ZNF276: variants seen among roughly 807,000 people sequenced by gnomAD.
ZNF276 encodes zinc finger protein 276, also known as centromere protein Z.
Under a neutral mutation model 63.9 loss-of-function variants are expected in ZNF276, and 59 were observed. The observed-to-expected ratio is 0.92, with a 90% CI of 0.75 to 1.15. The LOEUF is 1.15. Ranked by LOEUF, ZNF276 falls within the 50% of genes most tolerant of loss-of-function variation. The probability of loss-of-function intolerance (pLI) is 0.00; values close to 1 mark genes in which losing one functional copy is unlikely to be tolerated. For missense variants in ZNF276, 1,084 were observed against 843.8 expected (o/e 1.28, Z -3.53); for synonymous variants, 496 against 348.4 (o/e 1.42, Z -4.72).
rs1031181721 is a variant in ZNF276 at position 89,739,734 on chromosome 16, G to A, written c.*1488G>A. 3 of 1,495,854 alleles carry A rather than the reference G, an allele frequency of 2.0e-6. No individual in the cohort carries two copies. The highest frequency in any genetic ancestry group is 1.4e-5 in the African/African-American group (1 of 72,350). The allele number at this position is 1,495,854 out of a possible 1,614,324, so 92.7% of individuals were successfully genotyped here. A position where few individuals can be genotyped will look rare whatever the true frequency, so the allele number is the denominator to read the frequency against. On this transcript the variant is annotated 3_prime_UTR_variant, in exon 11 of 11. Coordinates refer to ENST00000443381, the MANE Select transcript of ZNF276 (RefSeq NM_001113525.2). ...TCAGCAGCTGGGAGAGGATGGGGGG[G>A]TCGACCTCTTGCAGGAGGGTGGGTG... is the stretch of plus-strand genomic sequence containing the variant.
chr16:89,732,049 G>A (rs987018827), intron 6 of ZNF276: 5 of 152,280 alleles, frequency 3.3e-5, no homozygotes, highest in African/African-American at 1.2e-4. Context: ...TGAGCGTGGT[G>A]TCTGCTGTGG....
In ZNF276 at chr16:89,738,755, C is replaced by CA. The variant is rs1427774240; in HGVS notation, c.*510dup. On this transcript the variant is annotated 3_prime_UTR_variant, in exon 11 of 11. Transcript: ENST00000443381. The stretch of plus-strand genomic sequence containing the variant: ...TCAGCCCATGCCGCCCACTAGGCCT[C>CA]AGACCACAGGGGAGGGGCTCTGGCA... 10 of 1,612,630 alleles carry CA rather than the reference C, an allele frequency of 6.2e-6. No individual in the cohort carries two copies. Among genetic ancestry groups the CA allele is most frequent in the Non-Finnish European group, 8.5e-6 (10 of 1,179,422 alleles).
upstream of ZNF276, chr16:89,721,474 C>A: frequency 3.3e-6 from 2 of 600,502 alleles, no homozygotes; most frequent in Non-Finnish European, 5.1e-6. Flanking sequence ...CCGGCGGGGT[C>A]CCGCCCCTGG....
At position 89,722,542 on chromosome 16, in the gene ZNF276, G is replaced by T; in HGVS notation, c.217G>T (p.Ala73Ser). 1 of 1,611,442 alleles carries T rather than the reference G, an allele frequency of 6.2e-7. No homozygotes were observed. Among genetic ancestry groups the T allele is most frequent in the Non-Finnish European group, 8.5e-7 (1 of 1,179,370 alleles). Residue 73 changes from alanine (A) to serine (S), a missense_variant, in exon 2 of 11, where the codon GCT (alanine) becomes TCT (serine). Ala to Ser is a moderately conservative substitution (Grantham distance 99). Coordinates refer to ENST00000443381, the MANE Select transcript of ZNF276 (RefSeq NM_001113525.2). ...DGADEAGAGRALAMGHCRLCH... is the reference protein window; with the variant it reads ...DGADEAGAGRSLAMGHCRLCH... ...GCCGCTCTGTGCAGGAGCAGGCCGG[G>T]CTCTCGCCATGGGTCACTGTCGCCT...
Position 89,723,446 on chromosome 16 carries a change from G to A in ZNF276, c.743G>A (p.Cys248Tyr), listed in dbSNP as rs1260304059. ...TACACCATGGATACCAGCTCCAGCT[G>A]CAAGGCCTTCTTGCTGGACAGTGCG... is the stretch of plus-strand genomic sequence containing the variant. Reference protein sequence around the residue: ...HDYTMDTSSSCKAFLLDSALA... With the variant: ...HDYTMDTSSSYKAFLLDSALA... Residue 248 changes from cysteine (C) to tyrosine (Y), a missense_variant, in exon 4 of 11, where the codon TGC (cysteine) becomes TAC (tyrosine). By Grantham distance (194) the Cys-to-Tyr change is radical. Transcript: ENST00000443381. 1.2e-6 allele frequency: 2 copies of A among 1,612,944 alleles called. No homozygotes were observed. Among genetic ancestry groups the A allele is most frequent in the Admixed American group, 3.3e-5 (2 of 60,010 alleles).
rs2062036333 is a variant in ZNF276 at position 89,738,797 on chromosome 16, A to C, written c.*551A>C. ...GCTCTGGCAGAAATAGTCGAGTTGT[A>C]TTGCCAGCCAGGCAGGCACATGGCC... On this transcript the variant is annotated 3_prime_UTR_variant, in exon 11 of 11. Coordinates refer to ENST00000443381, the MANE Select transcript of ZNF276 (RefSeq NM_001113525.2). 6.2e-7 allele frequency: 1 copy of C among 1,613,378 alleles called. No homozygotes were observed. Among genetic ancestry groups the C allele is most frequent in the Non-Finnish European group, 8.5e-7 (1 of 1,179,772 alleles).
In ZNF276 at chr16:89,737,758, G is replaced by A. The variant is rs201316239; in HGVS notation, c.1475-48G>A. 6.7e-4 allele frequency: 1,072 copies of A among 1,610,858 alleles called. 2 individuals carry two copies. Among genetic ancestry groups the A allele is most frequent in the Middle Eastern group, 2.1e-3 (13 of 6,052 alleles). On this transcript the variant is annotated intron_variant, in intron 9 of 10. Transcript: ENST00000443381. ...CACATTGTCATCGTCGTCCCCCCGG[G>A]AGGTTGGAGCATCAGGGGCCTGGAC... is the stretch of plus-strand genomic sequence containing the variant.
rs769672682 is a variant in ZNF276, at chr16:89,739,275, AAGT to A, written c.*1032_*1034del. 6.2e-7 allele frequency: 1 copy of A among 1,614,128 alleles called. No homozygotes were observed. On this transcript the variant is annotated 3_prime_UTR_variant, in exon 11 of 11. Transcript: ENST00000443381. ...TTCCCTGATGGCCGCGTCTTCATGGAAGTAGGAGAGAAGACTAGAGGTAAAGAC... is the reference window on the plus strand; with the variant it reads ...TTCCCTGATGGCCGCGTCTTCATGGAAGGAGAGAAGACTAGAGGTAAAGAC...
chr16:89,729,437 G>C (rs537081606), intron 6 of ZNF276, 119 bp downstream of exon 6: 9 of 909,372 alleles, frequency 9.9e-6, no homozygotes, highest in Non-Finnish European at 1.5e-5. Flanking sequence ...CGGATCTCCC[G>C]AGCCCAGTGA....
Position 89,728,774 on chromosome 16 carries a change from C to G in ZNF276, c.1086-461C>G, listed in dbSNP as rs551638457. On this transcript the variant is annotated intron_variant, in intron 5 of 10. Coordinates refer to ENST00000443381, the MANE Select transcript of ZNF276 (RefSeq NM_001113525.2). ...CTGGTCTTGAACTCCTGACCTCATGCGATCCACCTACGTCACCCTCCCAAA... is the reference window on the plus strand; with the variant it reads ...CTGGTCTTGAACTCCTGACCTCATGGGATCCACCTACGTCACCCTCCCAAA... 2.6e-5 allele frequency among the ~76,000 whole-genome samples: 4 copies of G among 151,978 alleles called. No homozygotes were observed. In the East Asian group the frequency reaches 7.7e-4, roughly 29 times the overall value.
At position 89,733,482 on chromosome 16, in the gene ZNF276, G is replaced by T. The variant is rs963543628; in HGVS notation, c.1281G>T (p.Arg427Ser). ...GCTCCATGCATGCTCTTCATTGCAG[G>T]GAGGAGCTTCCCACCATCTACAAGT... Reference protein sequence around the residue: ...PGWKKKLRCEREELPTIYKCP... With the variant: ...PGWKKKLRCESEELPTIYKCP... The change falls in exon 8 of 11, where the codon AGG becomes AGT. Residue 427 changes from arginine to serine, a missense_variant and splice_region_variant. Coordinates refer to ENST00000443381, the MANE Select transcript of ZNF276 (RefSeq NM_001113525.2). The T allele has an allele frequency of 3.7e-6, 6 of 1,614,088 alleles. No individual in the cohort carries two copies. The highest frequency in any genetic ancestry group is 4.2e-6 in the Non-Finnish European group (5 of 1,180,050).
At position 89,738,547 on chromosome 16, in the gene ZNF276, C is replaced by T. The variant is rs544435184; in HGVS notation, c.*301C>T. ...AGTGCAACAAGAGCTCCATGTTATG[C>T]TTGTAATAAATTATTTACACGGGAG... On this transcript the variant is annotated 3_prime_UTR_variant, in exon 11 of 11. Coordinates refer to ENST00000443381, the MANE Select transcript of ZNF276 (RefSeq NM_001113525.2). The T allele has an allele frequency of 1.2e-6, 2 of 1,610,976 alleles. No homozygotes were observed. The highest frequency in any genetic ancestry group is 1.7e-6 in the Non-Finnish European group (2 of 1,179,118).
chr16:89,735,875 G>A lies in ZNF276; in HGVS notation c.1474+1837G>A, dbSNP rs554724543. Among the ~76,000 whole-genome samples the A allele has an allele frequency of 3.6e-4, 50 of 140,500 alleles. 1 individual carries two copies. The South Asian group carries it at 7.5e-3, about 21-fold the overall frequency. 92.2% of individuals were successfully genotyped at this position (140,500 alleles called of 152,430 possible). A position where few individuals can be genotyped will look rare whatever the true frequency, so the allele number is the denominator to read the frequency against. ...GATTACAGGCATCTGCCACCACGCC[G>A]GGGGTGTTTTTTTTTGTTTGTTTGT... On this transcript the variant is annotated intron_variant, in intron 9 of 10. Coordinates refer to ENST00000443381, the MANE Select transcript of ZNF276 (RefSeq NM_001113525.2).
chr16:89,736,548 C>G (rs1324434988), intron 9 of ZNF276, among the ~76,000 whole-genome samples: 2 of 149,718 alleles, frequency 1.3e-5, no homozygotes, highest in Non-Finnish European at 3.0e-5. Context: ...TGGGGCTGGT[C>G]TTGAACTGAC....
At position 89,738,558 on chromosome 16, in the gene ZNF276, T is replaced by C. The variant is rs368670194; in HGVS notation, c.*312T>C. 6 of 1,612,190 alleles carry C rather than the reference T, an allele frequency of 3.7e-6. No homozygotes were observed. In the African/African-American group the frequency reaches 5.3e-5, roughly 14 times the overall value. Reference sequence around the variant, plus strand: ...AGCTCCATGTTATGCTTGTAATAAATTATTTACACGGGAGCTGGGCTGGTG... The same window carrying C: ...AGCTCCATGTTATGCTTGTAATAAACTATTTACACGGGAGCTGGGCTGGTG... On this transcript the variant is annotated 3_prime_UTR_variant, in exon 11 of 11. Coordinates refer to ENST00000443381, the MANE Select transcript of ZNF276 (RefSeq NM_001113525.2).
intron 6 of ZNF276, among the ~76,000 whole-genome samples, chr16:89,730,962 T>C (rs2061627553): frequency 6.6e-6 from 1 of 152,162 alleles, no homozygotes; most frequent in Non-Finnish European, 1.5e-5. Flanking sequence ...TGCACCCCCA[T>C]GGGGAAAGAA....
Position 89,738,245 on chromosome 16 carries a change from G to A in ZNF276, c.1844G>A (p.Ter615=). The change falls in exon 11 of 11, where the codon TGA becomes TAA. Residue 615 remains the stop codon, a stop_retained_variant. Coordinates refer to ENST00000443381, the MANE Select transcript of ZNF276 (RefSeq NM_001113525.2). ...CAGGCGGTGAAGCCCGAACCCACCTGAGGACGGCAGTGAGGATGAGCACCT... is the reference window on the plus strand; with the variant it reads ...CAGGCGGTGAAGCCCGAACCCACCTAAGGACGGCAGTGAGGATGAGCACCT... ...EGQAVKPEPT[*] 4 of 1,597,416 alleles carry A rather than the reference G, an allele frequency of 2.5e-6. No individual in the cohort carries two copies. The highest frequency in any genetic ancestry group is 3.4e-6 in the Non-Finnish European group (4 of 1,172,748).
Position 89,733,087 on chromosome 16 carries a change from T to A in ZNF276, c.1170-215T>A. The A allele has an allele frequency of 6.9e-6, 4 of 579,258 alleles. No individual in the cohort carries two copies. In the South Asian group the frequency reaches 7.9e-5, roughly 11 times the overall value. 35.9% of individuals were successfully genotyped at this position (579,258 alleles called of 1,614,324 possible). A position where few individuals can be genotyped will look rare whatever the true frequency, so the allele number is the denominator to read the frequency against. On this transcript the variant is annotated intron_variant, in intron 6 of 10. Coordinates refer to ENST00000443381, the MANE Select transcript of ZNF276 (RefSeq NM_001113525.2). ...GCTGTGTTCACCCCTGACCCTGCTGTGTCCTGCGCCCTTGCCCTCTGCTGT... is the reference window on the plus strand; with the variant it reads ...GCTGTGTTCACCCCTGACCCTGCTGAGTCCTGCGCCCTTGCCCTCTGCTGT...
Position 89,723,697 on chromosome 16 carries a change from T to C in ZNF276, c.994T>C (p.Cys332Arg), listed in dbSNP as rs1403593222. 1.2e-6 allele frequency: 2 copies of C among 1,609,634 alleles called. No individual in the cohort carries two copies. The highest frequency in any genetic ancestry group is 1.7e-6 in the Non-Finnish European group (2 of 1,178,090). Reference protein sequence around the residue: ...GFPPQPSLPLCRAPGQLGEKQ... With the variant: ...GFPPQPSLPLRRAPGQLGEKQ... Reference sequence around the variant, plus strand: ...CCCACCTCAGCCAAGCCTGCCCCTTTGCAGGGCCCCAGGTAGGAGGCACCT... The same window carrying C: ...CCCACCTCAGCCAAGCCTGCCCCTTCGCAGGGCCCCAGGTAGGAGGCACCT... Residue 332 changes from cysteine to arginine, a missense_variant, in exon 4 of 11, where the codon TGC (cysteine) becomes CGC (arginine). Cys to Arg is a radical substitution (Grantham distance 180, BLOSUM62 -3). Coordinates refer to ENST00000443381, the MANE Select transcript of ZNF276 (RefSeq NM_001113525.2).
Sources: gnomAD v4.1 joint callset for allele counts (sites outside exome capture counted in the v4.1 genomes callset) on GRCh38, gnomAD v4.1.1 for gene constraint, MANE v1.5 for transcripts, NCBI Gene and HGNC (gene_info 2026-07-23, HGNC 2026-07-21) for gene names.